Variants in TENM4 observed in about 807,000 individuals in gnomAD.
The protein encoded by TENM4 is teneurin-4.
A neutral mutation model predicts 243.3 loss-of-function variants in TENM4; 82 were observed. The ratio of observed to expected loss-of-function variants is 0.34; its 90% confidence interval spans 0.28 to 0.40. TENM4 has a LOEUF of 0.40. TENM4 is among the 10% of genes least tolerant of loss of function. The probability of loss-of-function intolerance (pLI) is 1.00; values close to 1 mark genes in which losing one functional copy is unlikely to be tolerated. For synonymous variants in TENM4, 1,412 were observed against 1,456.3 expected (o/e 0.97, Z 0.69); for missense variants, 3,138 against 3,673.3 (o/e 0.85, Z 3.77).
At chr11:79,384,118 G>A (rs1209055177) in intron 1 of TENM4, among the ~76,000 whole-genome samples, 4 of 152,192 alleles carry the variant, frequency 2.6e-5, no homozygotes, top group African/African-American at 9.6e-5. Context: ...ATTTCATTCA[G>A]TGCCACAGCA....
chr11:78,713,817 A>C (rs1351770048), intron 25 of TENM4, among the ~76,000 whole-genome samples: 2 of 152,124 alleles, frequency 1.3e-5, no homozygotes, highest in African/African-American at 4.8e-5. Flanking sequence ...GAATTTTTTT[A>C]CCCCCTGGTA....
At position 79,313,450 on chromosome 11, in the gene TENM4, C is replaced by T. The variant is rs546950899; in HGVS notation, c.-320-15907G>A. Reference sequence around the variant, plus strand: ...TTTGCTAAATCCTACACAATCATTTCCAATGTTTGCTGGTAATGGACACCA... The same window carrying T: ...TTTGCTAAATCCTACACAATCATTTTCAATGTTTGCTGGTAATGGACACCA... On this transcript the variant is annotated intron_variant, in intron 1 of 33. Coordinates refer to ENST00000278550, the MANE Select transcript of TENM4 (RefSeq NM_001098816.3). Among the ~76,000 whole-genome samples, 340 of 152,276 alleles carry T rather than the reference C, an allele frequency of 2.2e-3. 3 individuals carry two copies. Among genetic ancestry groups the T allele is most frequent in the African/African-American group, 7.6e-3 (315 of 41,544 alleles).
chr11:78,942,828 A>AT (rs1341303970), intron 6 of TENM4, among the ~76,000 whole-genome samples: 1 of 151,932 alleles, frequency 6.6e-6, no homozygotes, highest in Non-Finnish European at 1.5e-5. Flanking sequence ...AAAAAAAAAA[A>AT]AAGGCTCAGT....
Position 78,859,948 on chromosome 11 carries a change from C to T in TENM4, c.1255+3014G>A, listed in dbSNP as rs147234191. Among the ~76,000 whole-genome samples the T allele has an allele frequency of 5.6e-3, 857 of 152,214 alleles. 6 individuals carry two copies. Among genetic ancestry groups the T allele is most frequent in the African/African-American group, 0.02 (812 of 41,528 alleles). ...AACACAAGTTCTTGTGGCTTTAGTT[C>T]GAAAAGCTGCTGTATTTGGTTTCTG... On this transcript the variant is annotated intron_variant, in intron 10 of 33. Coordinates refer to ENST00000278550, the MANE Select transcript of TENM4 (RefSeq NM_001098816.3).
intron 6 of TENM4, among the ~76,000 whole-genome samples, chr11:78,938,238 A>G (rs1180009721): frequency 3.9e-5 from 6 of 152,222 alleles, no homozygotes; most frequent in African/African-American, 1.4e-4. Context: ...GCCTGCTGGC[A>G]CCCTGCCATT....
At chr11:79,431,642 T>G (rs1859170858) in intron 1 of TENM4, among the ~76,000 whole-genome samples, 1 of 152,192 alleles carries the variant, frequency 6.6e-6, no homozygotes, top group Non-Finnish European at 1.5e-5. Flanking sequence ...TCTCAGCTAG[T>G]AAGACAAGTG....
chr11:78,828,936 C>T (rs1316781967), intron 12 of TENM4, among the ~76,000 whole-genome samples: 1 of 152,260 alleles, frequency 6.6e-6, no homozygotes, highest in Non-Finnish European at 1.5e-5. Context: ...GCCAGTTCCT[C>T]CCCAGTTCCC....
chr11:79,409,118 G>A (rs1328381488), intron 1 of TENM4, among the ~76,000 whole-genome samples: 6 of 147,400 alleles, frequency 4.1e-5, no homozygotes, highest in African/African-American at 1.2e-4. Context: ...GCGCGCGTGC[G>A]TGCACGCGCA....
intron 6 of TENM4, among the ~76,000 whole-genome samples, chr11:79,020,045 C>T (rs954814909): frequency 1.4e-4 from 22 of 152,216 alleles, no homozygotes; most frequent in African/African-American, 5.3e-4. Context: ...CATTCATTTT[C>T]TTATCCCCAC....
chr11:79,053,188 A>G (rs1485418492), intron 6 of TENM4, among the ~76,000 whole-genome samples: 1 of 152,218 alleles, frequency 6.6e-6, no homozygotes, highest in African/African-American at 2.4e-5. Context: ...AATTTGGCAG[A>G]GGCGGGACTT....
At chr11:78,981,365 A>T (rs1857789893) in intron 6 of TENM4, among the ~76,000 whole-genome samples, 1 of 152,192 alleles carries the variant, frequency 6.6e-6, no homozygotes, top group African/African-American at 2.4e-5. Flanking sequence ...TGGTGGGGGA[A>T]GTAGAGCTAA....
At chr11:79,284,398 A>G (rs1200434719) in intron 2 of TENM4, among the ~76,000 whole-genome samples, 3 of 152,202 alleles carry the variant, frequency 2.0e-5, no homozygotes, top group Non-Finnish European at 4.4e-5. Flanking sequence ...CTTGAAATAA[A>G]CCCTCACATT....
intron 4 of TENM4, among the ~76,000 whole-genome samples, chr11:79,086,362 G>T (rs1475623294): frequency 6.6e-6 from 1 of 152,198 alleles, no homozygotes; most frequent in Non-Finnish European, 1.5e-5. Context: ...GAACCACCTA[G>T]CTTTGCCCAG....
In TENM4 at chr11:79,103,195, A is replaced by G. The variant is rs575727663; in HGVS notation, c.-65-33186T>C. Among the ~76,000 whole-genome samples, 7 of 152,158 alleles carry G rather than the reference A, an allele frequency of 4.6e-5. No homozygotes were observed. The South Asian group carries it at 1.4e-3, about 32-fold the overall frequency. On this transcript the variant is annotated intron_variant, in intron 4 of 33. Transcript: ENST00000278550. ...CAGGAAGCTTTCTTAGGCTCTCCCCACAATCCAAGGAGGGTGGGGATGCCC... is the reference window on the plus strand; with the variant it reads ...CAGGAAGCTTTCTTAGGCTCTCCCCGCAATCCAAGGAGGGTGGGGATGCCC...
At chr11:78,745,096 G>A (rs1388425905) in intron 19 of TENM4, among the ~76,000 whole-genome samples, 1 of 151,994 alleles carries the variant, frequency 6.6e-6, no homozygotes, top group Non-Finnish European at 1.5e-5. Context: ...GTTAACACTA[G>A]ATTTTATACA....
intron 1 of TENM4, among the ~76,000 whole-genome samples, chr11:79,426,301 G>T (rs1393737152): frequency 6.6e-6 from 1 of 152,106 alleles, no homozygotes; most frequent in Non-Finnish European, 1.5e-5. Context: ...CTTACAACCA[G>T]CACCTCCTGG....
In TENM4 at chr11:78,805,277, T is replaced by TGGCCCCCCCCCCCCCCC; in HGVS notation, c.2179+14_2179+15insGGGGGGGGGGGGGGGCC. On this transcript the variant is annotated intron_variant, in intron 15 of 33. Coordinates refer to ENST00000278550, the MANE Select transcript of TENM4 (RefSeq NM_001098816.3). ...CCCCTCCCTCTACCCATGCTTCTTC[T>TGGCCCCCCCCCCCCCCC]CCCCCTGCATTTACCGATAGAACAG... 7.1e-7 allele frequency: 1 copy of TGGCCCCCCCCCCCCCCC among 1,402,550 alleles called. No homozygotes were observed. The highest frequency in any genetic ancestry group is 9.7e-7 in the Non-Finnish European group (1 of 1,033,116). The allele number at this position is 1,402,550 out of a possible 1,614,324, so 86.9% of individuals were successfully genotyped here. A position where few individuals can be genotyped will look rare whatever the true frequency, so the allele number is the denominator to read the frequency against.
At chr11:79,421,118 C>G (rs1207250469) in intron 1 of TENM4, among the ~76,000 whole-genome samples, 1 of 152,144 alleles carries the variant, frequency 6.6e-6, no homozygotes, top group East Asian at 1.9e-4. Context: ...TGCAAAATCA[C>G]AAGTAGAGGC....
chr11:79,166,716 G>T (rs923361992), intron 3 of TENM4, among the ~76,000 whole-genome samples: 1 of 152,186 alleles, frequency 6.6e-6, no homozygotes, highest in Non-Finnish European at 1.5e-5. Flanking sequence ...GTAGTCATGC[G>T]GTGATTAATT....
Sources: gnomAD v4.1 joint callset for allele counts (sites outside exome capture counted in the v4.1 genomes callset) on GRCh38, gnomAD v4.1.1 for gene constraint, MANE v1.5 for transcripts, NCBI Gene and HGNC (gene_info 2026-07-23, HGNC 2026-07-21) for gene names.